The following USP6NL variants were observed in gnomAD, a reference collection of about 807,000 sequenced individuals.
The protein encoded by USP6NL is USP6 N-terminal-like protein.
USP6NL carries 26 observed loss-of-function variants against 61.9 expected under a neutral mutation model. That is an observed-to-expected ratio of 0.42 (90% CI 0.31 to 0.58). USP6NL has a LOEUF of 0.58. USP6NL is among the 20% of genes least tolerant of loss of function. USP6NL has a pLI of 0.16. For synonymous variants in USP6NL, 432 were observed against 390.1 expected, an observed-to-expected ratio of 1.11 and a Z score of -1.27; for missense variants, 1,114 against 1,034.3, an observed-to-expected ratio of 1.08 and a Z score of -1.06.
At chr10:11,586,247 A>G (rs1837957727) in intron 2 of USP6NL, among the ~76,000 whole-genome samples, 1 of 152,206 alleles carries the variant, frequency 6.6e-6, no homozygotes, top group Admixed American at 6.5e-5. Context: ...CTTTTCCAGA[A>G]AGGCAAAATA....
intron 2 of USP6NL, among the ~76,000 whole-genome samples, chr10:11,554,329 CA>C (rs1463192623): frequency 1.3e-5 from 2 of 152,220 alleles, no homozygotes; most frequent in African/African-American, 4.8e-5. Flanking sequence ...GAAATCAACC[CA>C]AAATCTGAGC....
chr10:11,581,906 G>A (rs564428012), intron 2 of USP6NL, among the ~76,000 whole-genome samples: 1 of 152,270 alleles, frequency 6.6e-6, no homozygotes, highest in South Asian at 2.1e-4. Flanking sequence ...CCCAGTAGCT[G>A]GAATTACAGG....
intron 2 of USP6NL, among the ~76,000 whole-genome samples, chr10:11,566,678 G>C (rs1837172101): frequency 6.6e-6 from 1 of 152,246 alleles, no homozygotes; most frequent in Admixed American, 6.5e-5. Context: ...TATGTGGCTA[G>C]AATGAGGAAC....
At chr10:11,534,517 C>G (rs1835765897) in intron 2 of USP6NL, among the ~76,000 whole-genome samples, 1 of 152,124 alleles carries the variant, frequency 6.6e-6, no homozygotes, top group South Asian at 2.1e-4. Context: ...AGAGTGGATT[C>G]TAGGCAACAC....
At position 11,476,764 on chromosome 10, in the gene USP6NL, T is replaced by C. The variant is rs7096519; in HGVS notation, c.1078+5006A>G. On this transcript the variant is annotated intron_variant, in intron 14 of 14. Coordinates refer to ENST00000609104, the MANE Select transcript of USP6NL (RefSeq NM_014688.5). This position sits in a 1 kb window ranked among gnomAD's most constrained non-coding sequence, Gnocchi z 4.3. ...ATTATAACAATGATAAAAAACTACA[T>C]GTCAAAAAAACATAGACATGAATAC... Among the ~76,000 whole-genome samples the C allele has an allele frequency of 0.18, 26,885 of 152,152 alleles. 2,816 individuals are homozygous for C. Among genetic ancestry groups the C allele is most frequent in the South Asian group, 0.24 (1,165 of 4,820 alleles).
chr10:11,594,165 C>G (rs947678208), intron 2 of USP6NL, among the ~76,000 whole-genome samples: 18 of 152,244 alleles, frequency 1.2e-4, no homozygotes, highest in African/African-American at 4.3e-4. Flanking sequence ...AGACTTACAA[C>G]CCCCTAGAAA....
At chr10:11,569,632 G>A (rs886736525) in intron 2 of USP6NL, among the ~76,000 whole-genome samples, 1 of 152,190 alleles carries the variant, frequency 6.6e-6, no homozygotes, top group Non-Finnish European at 1.5e-5. Context: ...GAATGTGACT[G>A]CTGGAGAAGG....
At chr10:11,546,405 T>C (rs1187236645) in intron 2 of USP6NL, among the ~76,000 whole-genome samples, 1 of 151,956 alleles carries the variant, frequency 6.6e-6, no homozygotes, top group Non-Finnish European at 1.5e-5. Flanking sequence ...TGGATTTTTC[T>C]TTATTTTATT....
rs78650572 is a variant in USP6NL at position 11,518,999 on chromosome 10, T to A, written c.156-425A>T. ...GCTCCAGACTAGGAGTGAGCAAACT[T>A]CTTCTCGCAAGATAAATATTTAAAC... On this transcript the variant is annotated intron_variant, in intron 4 of 14. Transcript: ENST00000609104. This position sits in a 1 kb window ranked among gnomAD's most constrained non-coding sequence, Gnocchi z 5.3. Among the ~76,000 whole-genome samples, 2,399 of 152,296 alleles carry A rather than the reference T, an allele frequency of 0.016. 230 individuals are homozygous for A. In the East Asian group the frequency reaches 0.3, roughly 19 times the overall value.
chr10:11,556,261 A>C (rs1342097260), intron 2 of USP6NL, among the ~76,000 whole-genome samples: 1 of 152,230 alleles, frequency 6.6e-6, no homozygotes, highest in East Asian at 1.9e-4. Flanking sequence ...AGGGATTAAT[A>C]ATGTAATCTA....
Position 11,470,163 on chromosome 10 carries a change from G to A in USP6NL, c.1079-6314C>T, listed in dbSNP as rs1273421173. ...TGAGGAAGAAGGAAGACGTGGCGGG[G>A]AGGTCACGGAAGGCAAGTAATGGAG... On this transcript the variant is annotated intron_variant, in intron 14 of 14. Transcript: ENST00000609104. The surrounding 1 kb of genome is among the most constrained non-coding windows in gnomAD (Gnocchi z 5.4). Among the ~76,000 whole-genome samples the A allele has an allele frequency of 6.6e-6, 1 of 152,198 alleles. No homozygotes were observed. Among genetic ancestry groups the A allele is most frequent in the Non-Finnish European group, 1.5e-5 (1 of 68,030 alleles).
At chr10:11,550,077 T>C (rs1158099238) in intron 2 of USP6NL, among the ~76,000 whole-genome samples, 2 of 152,236 alleles carry the variant, frequency 1.3e-5, no homozygotes, top group Non-Finnish European at 2.9e-5. Context: ...GGTATCTATA[T>C]GGTATCTATA....
chr10:11,566,875 G>A (rs1419463693), intron 2 of USP6NL, among the ~76,000 whole-genome samples: 1 of 152,214 alleles, frequency 6.6e-6, no homozygotes, highest in Non-Finnish European at 1.5e-5. Context: ...ACTTTGGGAG[G>A]CCAAGGCAGG....
At chr10:11,594,917 T>C (rs1218850462) in intron 2 of USP6NL, among the ~76,000 whole-genome samples, 1 of 152,176 alleles carries the variant, frequency 6.6e-6, no homozygotes, top group South Asian at 2.1e-4. Flanking sequence ...AGCAGATGAT[T>C]TGAATACAGC....
At position 11,495,270 on chromosome 10, in the gene USP6NL, GA is replaced by G. The variant is rs1383698697; in HGVS notation, c.385-2043del. Reference sequence around the variant, plus strand: ...TAGAGCGAGGATTATTATAATATTGGAATATAGAGTAATTGCTACAAACTAA... The same window carrying G: ...TAGAGCGAGGATTATTATAATATTGGATATAGAGTAATTGCTACAAACTAA... On this transcript the variant is annotated intron_variant, in intron 7 of 14. Transcript: ENST00000609104. The surrounding 1 kb of genome is among the most constrained non-coding windows in gnomAD (Gnocchi z 4.6). Among the ~76,000 whole-genome samples the G allele has an allele frequency of 5.9e-5, 9 of 152,128 alleles. No individual in the cohort carries two copies. Among genetic ancestry groups the G allele is most frequent in the Admixed American group, 3.9e-4 (6 of 15,268 alleles).
Position 11,596,603 on chromosome 10 carries a change from G to A in USP6NL, c.4+1028C>T, listed in dbSNP as rs1054494351. Among the ~76,000 whole-genome samples the A allele has an allele frequency of 1.9e-4, 28 of 148,196 alleles. No homozygotes were observed. The highest frequency in any genetic ancestry group is 5.2e-4 in the African/African-American group (21 of 40,040). ...GGTGCCACTGCACTGCAGCCTGGGC[G>A]ACAGAGGGAGACTCCGTCTCAAAAA... is the stretch of plus-strand genomic sequence containing the variant. On this transcript the variant is annotated intron_variant, in intron 2 of 14. Coordinates refer to ENST00000609104, the MANE Select transcript of USP6NL (RefSeq NM_014688.5). This position sits in a 1 kb window ranked among gnomAD's most constrained non-coding sequence, Gnocchi z 4.1.
In USP6NL at chr10:11,463,449, G is replaced by A. The variant is rs745570165; in HGVS notation, c.1479C>T (p.Val493=). The A allele has an allele frequency of 1.2e-6, 2 of 1,614,080 alleles. No homozygotes were observed. Among genetic ancestry groups the A allele is most frequent in the East Asian group, 2.2e-5 (1 of 44,894 alleles). Residue 493 remains valine, a synonymous_variant, in exon 15 of 15, where the codon GTC becomes GTT. Coordinates refer to ENST00000609104, the MANE Select transcript of USP6NL (RefSeq NM_014688.5). The surrounding 1 kb of genome is among the most constrained non-coding windows in gnomAD (Gnocchi z 6.3). ...ATTTGGCAGTTCTCTCTGTAGCTGA[G>A]ACGTCTGACGGTTTATTCCATTTGG... The part of the protein sequence containing the change: ...FVPKWNKPSD[V]SATERTAKYT...
chr10:11,503,918 G>A (rs1834321744), intron 6 of USP6NL, among the ~76,000 whole-genome samples: 2 of 152,050 alleles, frequency 1.3e-5, no homozygotes, highest in African/African-American at 4.8e-5. Flanking sequence ...AATGACCACG[G>A]CCCATGGTTT....
intron 2 of USP6NL, among the ~76,000 whole-genome samples, chr10:11,529,189 T>TC (rs1835546283): frequency 1.3e-5 from 2 of 151,654 alleles, no homozygotes; most frequent in Middle Eastern, 3.4e-3. Flanking sequence ...AAAAAAAAAA[T>TC]CAACTTCATT....
Sources: gnomAD v4.1 joint callset for allele counts (sites outside exome capture counted in the v4.1 genomes callset) on GRCh38, gnomAD v4.1.1 for gene constraint, Gnocchi (gnomAD v3.1) non-coding constraint, MANE v1.5 for transcripts, NCBI Gene and HGNC (gene_info 2026-07-23, HGNC 2026-07-21) for gene names.